Variants in ARPC4 observed in about 807,000 individuals in gnomAD.
ARPC4 encodes actin related protein 2/3 complex subunit 4, also known as actin-related protein 2/3 complex subunit 4.
Under a neutral mutation model 22.8 loss-of-function variants are expected in ARPC4, and 3 were observed. That is an observed-to-expected ratio of 0.13 (90% CI 0.06 to 0.34). The LOEUF (loss-of-function observed/expected upper bound fraction) is 0.34, where lower values mean the gene tolerates loss of function less well. Ranked by LOEUF, ARPC4 falls within the 10% of genes least tolerant of loss-of-function variation. The pLI is 1.00. For synonymous variants in ARPC4, 80 were observed against 72.5 expected (o/e 1.10, Z -0.52); for missense variants, 98 against 211.0 (o/e 0.46, Z 3.32).
At chr3:9,794,769 T>C (rs1477163164) in intron 1 of ARPC4, among the ~76,000 whole-genome samples, 2 of 152,202 alleles carry the variant, frequency 1.3e-5, no homozygotes, top group Non-Finnish European at 2.9e-5. Flanking sequence ...TCAAGCCCTT[T>C]TGTAATCAGT....
At chr3:9,797,939 A>G in intron 2 of ARPC4, 162 bp downstream of exon 2, 1 of 743,728 alleles carries the variant, frequency 1.3e-6, no homozygotes, top group Non-Finnish European at 2.1e-6. Context: ...TGGAGTTAAG[A>G]AAATAGGGTC....
At chr3:9,805,965 G>A (rs920467094) in intron 5 of ARPC4, among the ~76,000 whole-genome samples, 1 of 152,234 alleles carries the variant, frequency 6.6e-6, no homozygotes, top group Non-Finnish European at 1.5e-5. Context: ...CAAGGGAGCT[G>A]TGGAGAAGCT....
At chr3:9,804,247 C>G (rs963879451) in intron 5 of ARPC4, 4 of 445,332 alleles carry the variant, frequency 9.0e-6, no homozygotes, top group African/African-American at 7.9e-5. Flanking sequence ...GGCTCTTAGT[C>G]TCTCGTAGGA....
chr3:9,800,625 A>G (rs1257088032), intron 3 of ARPC4, among the ~76,000 whole-genome samples: 2 of 151,894 alleles, frequency 1.3e-5, no homozygotes, highest in African/African-American at 4.8e-5. Context: ...GAGTTTCACC[A>G]TGTTTGCCAG....
upstream of ARPC4, chr3:9,793,002 C>T: frequency 1.3e-6 from 2 of 1,510,016 alleles, no homozygotes; most frequent in Non-Finnish European, 1.8e-6. Context: ...CCGCTCGGAG[C>T]ATAGATGGTA....
At chr3:9,803,587 T>A in intron 4 of ARPC4, 1 of 630,212 alleles carries the variant, frequency 1.6e-6, no homozygotes, top group African/African-American at 1.8e-5. Context: ...AATGCAGAGC[T>A]GTTGTGCCAC....
At position 9,806,422 on chromosome 3, in the gene ARPC4, G is replaced by GGCTTC. The variant is rs1294161730; in HGVS notation, c.*208_*212dup. 6.4e-6 allele frequency: 4 copies of GGCTTC among 629,862 alleles called. No homozygotes were observed. In the East Asian group the frequency reaches 8.2e-5, roughly 13 times the overall value. 39.0% of individuals were successfully genotyped at this position (629,862 alleles called of 1,614,324 possible). A position where few individuals can be genotyped will look rare whatever the true frequency, so the allele number is the denominator to read the frequency against. On this transcript the variant is annotated 3_prime_UTR_variant, in exon 6 of 6. Transcript: ENST00000397261. ...AAGGCCACACGTGCCTGGTCAGGCT[G>GGCTTC]GCTTCTGATGTTCAGTCCCCTGGGC...
chr3:9,797,159 T>A (rs773441157), intron 1 of ARPC4, among the ~76,000 whole-genome samples: 1 of 152,198 alleles, frequency 6.6e-6, no homozygotes, highest in Non-Finnish European at 1.5e-5. Flanking sequence ...CCCAGTTAGC[T>A]CAGTGCGTGG....
intron 5 of ARPC4, 169 bp downstream of exon 5, chr3:9,804,182 C>A: frequency 1.6e-6 from 1 of 640,484 alleles, no homozygotes; most frequent in East Asian, 2.9e-5. Context: ...GCTAGAGGAC[C>A]CCAAGTTCAT....
chr3:9,803,987 A>G lies in ARPC4; in HGVS notation c.475A>G (p.Ile159Val), dbSNP rs2079062539. 2 of 1,614,204 alleles carry G rather than the reference A, an allele frequency of 1.2e-6. No individual in the cohort carries two copies. Among genetic ancestry groups the G allele is most frequent in the Non-Finnish European group, 1.7e-6 (2 of 1,180,036 alleles). Residue 159 changes from isoleucine to valine, a missense_variant, in exon 5 of 6, where the codon ATT (isoleucine) becomes GTT (valine). Physicochemically the swap from Ile to Val is conservative, Grantham distance 29. Coordinates refer to ENST00000397261, the MANE Select transcript of ARPC4 (RefSeq NM_005718.5). ...MKLSVNARAR[I>V]VAEEFLKNF is the part of the protein sequence containing the mutation. Reference sequence around the variant, plus strand: ...GCTGTCAGTCAATGCCCGTGCCCGCATTGTGGCTGAAGAGTTCCTTAAGAA... The same window carrying G: ...GCTGTCAGTCAATGCCCGTGCCCGCGTTGTGGCTGAAGAGTTCCTTAAGAA...
chr3:9,802,459 T>G (rs2079030655), intron 4 of ARPC4, among the ~76,000 whole-genome samples: 1 of 149,572 alleles, frequency 6.7e-6, no homozygotes, highest in Non-Finnish European at 1.5e-5. Context: ...CACTGCAAGC[T>G]CCGCCTCCCG....
Position 9,797,581 on chromosome 3 carries a change from T to C in ARPC4, c.4-78T>C. On this transcript the variant is annotated intron_variant, in intron 1 of 5. Coordinates refer to ENST00000397261, the MANE Select transcript of ARPC4 (RefSeq NM_005718.5). The stretch of plus-strand genomic sequence containing the variant: ...GCACCCTCAGTGCTACCTGGCTTCA[T>C]GGGAGCTGGAATAGGGGATCGGTGG... 2.6e-6 allele frequency: 4 copies of C among 1,512,218 alleles called. No homozygotes were observed. The South Asian group carries it at 4.8e-5, about 18-fold the overall frequency. The allele number at this position is 1,512,218 out of a possible 1,614,324, so 93.7% of individuals were successfully genotyped here.
intron 4 of ARPC4, among the ~76,000 whole-genome samples, chr3:9,802,084 C>G (rs1053949362): frequency 6.6e-6 from 1 of 151,414 alleles, no homozygotes; most frequent in East Asian, 2.0e-4. Flanking sequence ...ATTAAAAATA[C>G]AAAAATTAGC....
chr3:9,796,813 C>A (rs533964687), intron 1 of ARPC4, among the ~76,000 whole-genome samples: 1 of 151,688 alleles, frequency 6.6e-6, no homozygotes. Flanking sequence ...TGGTGGTGGG[C>A]GCCTGTAGTC....
chr3:9,803,048 T>C (rs2079045560), intron 4 of ARPC4, among the ~76,000 whole-genome samples: 1 of 151,996 alleles, frequency 6.6e-6, no homozygotes, highest in African/African-American at 2.4e-5. Flanking sequence ...CATTCCCGGC[T>C]AATTTTTTGT....
At chr3:9,800,965 C>CT (rs2078994870) in intron 3 of ARPC4, among the ~76,000 whole-genome samples, 1 of 151,954 alleles carries the variant, frequency 6.6e-6, no homozygotes, top group South Asian at 2.1e-4. Context: ...AATCCCAGCA[C>CT]TTTGGGAGAC....
At chr3:9,797,813 G>A (rs2078927229) in intron 2 of ARPC4, 36 bp downstream of exon 2, 1 of 1,599,592 alleles carries the variant, frequency 6.3e-7, no homozygotes, top group Non-Finnish European at 8.5e-7. Context: ...GATGAGGGGT[G>A]CAGCACACAG....
At chr3:9,806,055 G>A (rs571443144) in intron 5 of ARPC4, among the ~76,000 whole-genome samples, 155 bp from the exon 6 acceptor site, 1 of 152,346 alleles carries the variant, frequency 6.6e-6, no homozygotes, top group South Asian at 2.1e-4. Context: ...AAAGCTGGCT[G>A]AATTAGAGCA....
Position 9,801,776 on chromosome 3 carries a change from G to A in ARPC4, c.330+20G>A. ...GTGGAGGTGAGACCCTGTGACCCAT[G>A]AGTTTGCGATACCCAGGACCCTGTT... is the stretch of plus-strand genomic sequence containing the variant. On this transcript the variant is annotated intron_variant, in intron 4 of 5. Coordinates refer to ENST00000397261, the MANE Select transcript of ARPC4 (RefSeq NM_005718.5). 1 of 1,581,734 alleles carries A rather than the reference G, an allele frequency of 6.3e-7. No homozygotes were observed. The highest frequency in any genetic ancestry group is 8.6e-7 in the Non-Finnish European group (1 of 1,159,804).
Sources: gnomAD v4.1 joint callset for allele counts (sites outside exome capture counted in the v4.1 genomes callset) on GRCh38, gnomAD v4.1.1 for gene constraint, MANE v1.5 for transcripts, NCBI Gene and HGNC (gene_info 2026-07-23, HGNC 2026-07-21) for gene names.